Variants in RBFOX1 observed in about 807,000 individuals in gnomAD.
The protein encoded by RBFOX1 is RNA binding fox-1 homolog 1.
Under a neutral mutation model 57.7 loss-of-function variants are expected in RBFOX1, and 8 were observed. The observed-to-expected ratio is 0.14, with a 90% CI of 0.08 to 0.25. The LOEUF is 0.25. RBFOX1 is among the 10% of genes least tolerant of loss of function. The pLI is 1.00. For synonymous variants in RBFOX1, 326 were observed against 222.4 expected, an observed-to-expected ratio of 1.47 and a Z score of -4.15; for missense variants, 611 against 548.5, an observed-to-expected ratio of 1.11 and a Z score of -1.14.
At chr16:7,099,368 G>A (rs985925466) in intron 4 of RBFOX1, among the ~76,000 whole-genome samples, 1 of 152,130 alleles carries the variant, frequency 6.6e-6, no homozygotes. Context: ...TCTTTCTTGG[G>A]TGTTTTATTT....
intron 3 of RBFOX1, among the ~76,000 whole-genome samples, chr16:6,679,875 CTTGTTTTTTTT>C (rs781592817): frequency 2.1e-5 from 2 of 96,586 alleles, no homozygotes; most frequent in East Asian, 3.1e-4. Context: ...ATAGTTTCTA[CTTGTTTTTTTT>C]TTTTTTTTTT....
At chr16:5,809,295 A>G (rs1255201847) in intron 3 of RBFOX1, among the ~76,000 whole-genome samples, 2 of 152,216 alleles carry the variant, frequency 1.3e-5, no homozygotes, top group Non-Finnish European at 2.9e-5. Context: ...ACCAAAAGCA[A>G]TGGCAACAAA....
At chr16:7,489,664 C>G (rs1686684888) in intron 4 of RBFOX1, among the ~76,000 whole-genome samples, 1 of 151,898 alleles carries the variant, frequency 6.6e-6, no homozygotes, top group Admixed American at 6.6e-5. Flanking sequence ...TACAGGCACA[C>G]ACCACTATGC....
chr16:6,185,462 T>G (rs2097099215), intron 1 of RBFOX1, among the ~76,000 whole-genome samples: 1 of 152,182 alleles, frequency 6.6e-6, no homozygotes, highest in Non-Finnish European at 1.5e-5. Flanking sequence ...TAAAGCCACT[T>G]GAGTATTCAA....
At chr16:5,360,814 C>T (rs1010129030) in intron 1 of RBFOX1, among the ~76,000 whole-genome samples, 2 of 152,166 alleles carry the variant, frequency 1.3e-5, no homozygotes, top group Non-Finnish European at 2.9e-5. Flanking sequence ...AAATTTCTTC[C>T]ATCTTTGCCT....
At chr16:6,729,332 G>A (rs551203625) in intron 3 of RBFOX1, among the ~76,000 whole-genome samples, 129 of 152,260 alleles carry the variant, frequency 8.5e-4, no homozygotes, top group African/African-American at 3.0e-3. Flanking sequence ...ATAGCATAGA[G>A]TGAGAATCAA....
intron 1 of RBFOX1, among the ~76,000 whole-genome samples, chr16:5,441,322 A>G (rs1349879906): frequency 2.0e-5 from 3 of 151,768 alleles, no homozygotes; most frequent in African/African-American, 7.3e-5. Flanking sequence ...TGCTGCTAAT[A>G]AAGACATACC....
intron 4 of RBFOX1, among the ~76,000 whole-genome samples, chr16:7,277,381 C>A (rs538504708): frequency 6.6e-6 from 1 of 152,158 alleles, no homozygotes; most frequent in Non-Finnish European, 1.5e-5. Flanking sequence ...CCTGAATTGC[C>A]TACCTCCATC....
At chr16:5,845,514 C>T (rs772395276) in intron 3 of RBFOX1, among the ~76,000 whole-genome samples, 3 of 152,200 alleles carry the variant, frequency 2.0e-5, no homozygotes, top group Admixed American at 6.5e-5. Context: ...AGGAAATTGA[C>T]GAGTGTGAAT....
At chr16:7,587,564 G>C (rs1165421635) in intron 7 of RBFOX1, among the ~76,000 whole-genome samples, 1 of 152,108 alleles carries the variant, frequency 6.6e-6, no homozygotes, top group Non-Finnish European at 1.5e-5. Context: ...AAAAAATAAT[G>C]ATGTTGCTAC....
chr16:6,550,975 G>GCATTAATA (rs1464118856), intron 2 of RBFOX1, among the ~76,000 whole-genome samples: 3 of 152,150 alleles, frequency 2.0e-5, no homozygotes, highest in African/African-American at 7.2e-5. Context: ...ACAAGTGTGG[G>GCATTAATA]CATTAATAGT....
chr16:6,852,623 T>C (rs2094131352), intron 3 of RBFOX1, among the ~76,000 whole-genome samples: 1 of 152,074 alleles, frequency 6.6e-6, no homozygotes, highest in Non-Finnish European at 1.5e-5. Flanking sequence ...TGCTGGGAAC[T>C]AGCTGTCTGG....
At chr16:6,630,290 G>T (rs748945922) in intron 2 of RBFOX1, among the ~76,000 whole-genome samples, 15 of 152,066 alleles carry the variant, frequency 9.9e-5, no homozygotes, top group South Asian at 2.1e-4. Context: ...CCAAGGAATG[G>T]AAAAGAGAAA....
chr16:6,691,465 T>A (rs1470682871), intron 3 of RBFOX1, among the ~76,000 whole-genome samples: 1 of 106,670 alleles, frequency 9.4e-6, no homozygotes, highest in Admixed American at 1.0e-4. Context: ...TCCTTTTTCT[T>A]TATTTTTTTT....
chr16:5,246,254 T>C lies in RBFOX1; in HGVS notation c.219+6149T>C, dbSNP rs528503141. Among the ~76,000 whole-genome samples the C allele has an allele frequency of 8.7e-4, 133 of 152,294 alleles. 1 individual carries two copies. The highest frequency in any genetic ancestry group is 3.4e-3 in the Middle Eastern group (1 of 294). On this transcript the variant is annotated intron_variant, in intron 1 of 2. Coordinates refer to the RBFOX1 transcript ENST00000585867. ...GAGCGAGACTCTGTTTCAAAATAAG[T>C]AAATAAATAAAATTCTGAATTTTAT...
At chr16:6,558,974 A>G (rs998671142) in intron 2 of RBFOX1, among the ~76,000 whole-genome samples, 1 of 152,084 alleles carries the variant, frequency 6.6e-6, no homozygotes, top group African/African-American at 2.4e-5. Flanking sequence ...TCTCTACTCA[A>G]AAATGCCGCT....
In RBFOX1 at chr16:6,450,837, G is replaced by GTATATATA. The variant is rs1555480732; in HGVS notation, c.-64+133781_-64+133782insATATATAT. Among the ~76,000 whole-genome samples, 20 of 21,748 alleles carry GTATATATA rather than the reference G, an allele frequency of 9.2e-4. 4 individuals are homozygous for GTATATATA. The highest frequency in any genetic ancestry group is 1.6e-3 in the African/African-American group (9 of 5,610). 14.3% of individuals were successfully genotyped at this position (21,748 alleles called of 152,430 possible). ...TATATACATATATATATATATATAT[G>GTATATATA]TGTATATATATATATATATATATAT... On this transcript the variant is annotated intron_variant, in intron 2 of 15. Transcript: ENST00000550418.
rs185432078 is a variant in RBFOX1, at chr16:5,501,799, A to T, written c.258+34545A>T. On this transcript the variant is annotated intron_variant, in intron 2 of 2. Transcript: ENST00000585867. ...TGCGGTCACAGCTCCCTGCAGTCTC[A>T]AACTCCTGGGCTCAAGTGATTCTCC... Among the ~76,000 whole-genome samples, 3 of 152,174 alleles carry T rather than the reference A, an allele frequency of 2.0e-5. No individual in the cohort carries two copies. The East Asian group carries it at 5.8e-4, about 29-fold the overall frequency.
chr16:5,549,376 C>G (rs552033851), intron 2 of RBFOX1, among the ~76,000 whole-genome samples: 139 of 152,296 alleles, frequency 9.1e-4, no homozygotes, highest in African/African-American at 3.2e-3. Context: ...CTGTGGGACC[C>G]TCAGTAGCCA....
Sources: gnomAD v4.1 joint callset for allele counts (sites outside exome capture counted in the v4.1 genomes callset) on GRCh38, gnomAD v4.1.1 for gene constraint, MANE v1.5 for transcripts, NCBI Gene and HGNC (gene_info 2026-07-23, HGNC 2026-07-21) for gene names.